Variants in PRKN observed in about 807,000 individuals in gnomAD.
The protein encoded by PRKN is parkin RBR E3 ubiquitin protein ligase.
PRKN carries 56 observed loss-of-function variants against 59.5 expected under a neutral mutation model. The ratio of observed to expected loss-of-function variants is 0.94; its 90% CI spans 0.76 to 1.18. PRKN has a LOEUF of 1.18. Among genes scored for constraint, PRKN ranks in the 50% most tolerant of loss-of-function variants. The pLI is 0.00. For synonymous variants in PRKN, 250 were observed against 222.1 expected, an observed-to-expected ratio of 1.13 and a Z score of -1.12; for missense variants, 657 against 596.4, an observed-to-expected ratio of 1.10 and a Z score of -1.06.
chr6:161,870,317 C>T (rs775693894), intron 6 of PRKN, among the ~76,000 whole-genome samples: 20 of 152,228 alleles, frequency 1.3e-4, no homozygotes, highest in Admixed American at 3.9e-4. Flanking sequence ...ATTAGTGATA[C>T]GGATGTCAAG....
intron 7 of PRKN, among the ~76,000 whole-genome samples, chr6:161,614,540 G>A (rs1291770358): frequency 1.3e-5 from 2 of 152,116 alleles, no homozygotes; most frequent in African/African-American, 2.4e-5. Context: ...GTGCACCACC[G>A]GACTGAAATC....
intron 7 of PRKN, among the ~76,000 whole-genome samples, chr6:161,714,995 T>A (rs934399618): frequency 6.6e-6 from 1 of 152,194 alleles, no homozygotes; most frequent in African/African-American, 2.4e-5. Flanking sequence ...TTCTTACCAT[T>A]ATCCTTCCCG....
chr6:161,444,660 G>A lies in PRKN; in HGVS notation c.1084-57783C>T, dbSNP rs541416696. 9.2e-5 allele frequency among the ~76,000 whole-genome samples: 14 copies of A among 152,352 alleles called. No individual in the cohort carries two copies. Among genetic ancestry groups the A allele is most frequent in the African/African-American group, 3.4e-4 (14 of 41,578 alleles). On this transcript the variant is annotated intron_variant, in intron 9 of 11. Coordinates refer to ENST00000366898, the MANE Select transcript of PRKN (RefSeq NM_004562.3). This position sits in a 1 kb window ranked among gnomAD's most constrained non-coding sequence, Gnocchi z 5.6. ...TTCACTGTGCTCAGCCTGTCTGCGG[G>A]TAGCGAGGGCTCCTGAGTAACAGCG...
chr6:162,512,221 T>A (rs2022999), intron 1 of PRKN, among the ~76,000 whole-genome samples: 2 of 152,058 alleles, frequency 1.3e-5, no homozygotes, highest in African/African-American at 4.8e-5. Flanking sequence ...CATTTCTTAT[T>A]ACAACAAAAG....
chr6:162,364,962 CCTCTCTCT>C (rs537201683), intron 2 of PRKN, among the ~76,000 whole-genome samples: 1 of 143,896 alleles, frequency 6.9e-6, no homozygotes, highest in Non-Finnish European at 1.5e-5. Context: ...CTCTCTTCTC[CCTCTCTCT>C]CTCTCTCTCT....
At chr6:162,155,564 C>T (rs1782477617) in intron 4 of PRKN, among the ~76,000 whole-genome samples, 1 of 152,056 alleles carries the variant, frequency 6.6e-6, no homozygotes, top group African/African-American at 2.4e-5. Context: ...GCGTCAGAGA[C>T]AGCAAGCATA....
intron 4 of PRKN, among the ~76,000 whole-genome samples, chr6:162,123,394 T>C (rs1338409127): frequency 6.6e-6 from 1 of 152,174 alleles, no homozygotes; most frequent in Non-Finnish European, 1.5e-5. Flanking sequence ...AAAAGAGATG[T>C]TATAAACAAA....
At chr6:162,467,205 T>C (rs1791462071) in intron 1 of PRKN, among the ~76,000 whole-genome samples, 1 of 152,204 alleles carries the variant, frequency 6.6e-6, no homozygotes, top group African/African-American at 2.4e-5. Flanking sequence ...TCTCCACAGC[T>C]TTCATCAATA....
At chr6:162,549,946 T>C (rs1413404972) in intron 1 of PRKN, among the ~76,000 whole-genome samples, 1 of 152,180 alleles carries the variant, frequency 6.6e-6, no homozygotes, top group Non-Finnish European at 1.5e-5. Flanking sequence ...CAATAATCTC[T>C]TTAATAGGGA....
intron 6 of PRKN, among the ~76,000 whole-genome samples, chr6:161,971,557 G>C (rs1780808632): frequency 6.6e-6 from 1 of 152,146 alleles, no homozygotes; most frequent in Non-Finnish European, 1.5e-5. Flanking sequence ...GAAAGCGTTA[G>C]CCATACACAG....
rs547075925 is a variant in PRKN, at chr6:162,322,489, T to C, written c.172-59724A>G. ...GAACCTGAAACAGGCAAAAACATTT[T>C]GAAAATGTAGTACAAAATTAAAAGA... On this transcript the variant is annotated intron_variant, in intron 2 of 11. Transcript: ENST00000366898. Among the ~76,000 whole-genome samples the C allele has an allele frequency of 6.6e-5, 10 of 152,220 alleles. No homozygotes were observed. In the South Asian group the frequency reaches 1.7e-3, roughly 25 times the overall value.
intron 6 of PRKN, among the ~76,000 whole-genome samples, chr6:161,961,383 C>A (rs1434224640): frequency 6.6e-6 from 1 of 152,088 alleles, no homozygotes; most frequent in East Asian, 1.9e-4. Flanking sequence ...ACGTATCTAG[C>A]CGGTTGGGTG....
At chr6:162,226,204 A>G (rs1318064908) in intron 3 of PRKN, among the ~76,000 whole-genome samples, 2 of 151,996 alleles carry the variant, frequency 1.3e-5, no homozygotes, top group African/African-American at 4.8e-5. Context: ...AGAAAAGCAG[A>G]AAAATAAGAA....
chr6:162,163,034 A>AT (rs1408172538), intron 4 of PRKN, among the ~76,000 whole-genome samples: 2 of 148,922 alleles, frequency 1.3e-5, no homozygotes, highest in African/African-American at 5.0e-5. Context: ...AAAAAGAAAA[A>AT]TTTCTCATAG....
intron 5 of PRKN, among the ~76,000 whole-genome samples, chr6:162,016,208 T>G (rs1782929757): frequency 6.6e-6 from 1 of 152,178 alleles, no homozygotes; most frequent in Admixed American, 6.5e-5. Context: ...TTCCAATTTA[T>G]TTTCTGTAAG....
chr6:161,978,358 C>A (rs1397771500), intron 5 of PRKN, among the ~76,000 whole-genome samples: 3 of 152,180 alleles, frequency 2.0e-5, no homozygotes, highest in African/African-American at 7.2e-5. Flanking sequence ...CCGATCTGGT[C>A]ATTTCTGCTC....
rs35611748 is a variant in PRKN, at chr6:161,430,814, CAAAAAAAAAAA to C, written c.1084-43948_1084-43938del. On this transcript the variant is annotated intron_variant, in intron 9 of 11. Coordinates refer to ENST00000366898, the MANE Select transcript of PRKN (RefSeq NM_004562.3). ...TGGGCAACACAGCCAGACTCCGTCT[CAAAAAAAAAAA>C]AAAAAAAAAAAAAGAAATACTGAAT... Among the ~76,000 whole-genome samples the C allele has an allele frequency of 1.0e-4, 6 of 58,342 alleles. No individual in the cohort carries two copies. The South Asian group carries it at 4.9e-3, about 47-fold the overall frequency. The allele number at this position is 58,342 out of a possible 152,430, so 38.3% of individuals were successfully genotyped here.
intron 7 of PRKN, among the ~76,000 whole-genome samples, chr6:161,735,567 A>C (rs1787929831): frequency 6.6e-6 from 1 of 152,170 alleles, no homozygotes; most frequent in Admixed American, 6.5e-5. Context: ...GCAACTGTGC[A>C]GGGGCTCAGA....
Position 162,596,339 on chromosome 6 carries a change from C to T in PRKN, c.7+131323G>A, listed in dbSNP as rs762527953. 3.3e-5 allele frequency among the ~76,000 whole-genome samples: 5 copies of T among 152,130 alleles called. No individual in the cohort carries two copies. In the East Asian group the frequency reaches 7.7e-4, roughly 23 times the overall value. On this transcript the variant is annotated intron_variant, in intron 1 of 11. Transcript: ENST00000366898. ...GCTTCAATACTTTAAAGGTAGGCTG[C>T]AAATACGAAATATTTCTTTATTATT...
Sources: gnomAD v4.1 joint callset for allele counts (sites outside exome capture counted in the v4.1 genomes callset) on GRCh38, gnomAD v4.1.1 for gene constraint, Gnocchi (gnomAD v3.1) non-coding constraint, MANE v1.5 for transcripts, NCBI Gene and HGNC (gene_info 2026-07-23, HGNC 2026-07-21) for gene names.